Variants in KLF12 observed in about 807,000 individuals in gnomAD.
KLF12 encodes the protein KLF transcription factor 12.
KLF12 carries 9 observed loss-of-function variants against 37.8 expected under a neutral mutation model. That is an observed-to-expected ratio of 0.24 (90% CI 0.14 to 0.42). The LOEUF is 0.42. Among genes scored for constraint, KLF12 ranks in the 10% least tolerant of loss-of-function variants. The pLI is 1.00. For synonymous variants in KLF12, 208 were observed against 202.1 expected (o/e 1.03, Z -0.25); for missense variants, 411 against 516.0 (o/e 0.80, Z 1.97).
intron 3 of KLF12, among the ~76,000 whole-genome samples, chr13:73,854,261 T>A (rs1023988972): frequency 3.3e-5 from 5 of 152,226 alleles, no homozygotes; most frequent in Non-Finnish European, 7.3e-5. Flanking sequence ...CTCACTCCAG[T>A]GCCTGAGGCA....
At chr13:73,887,296 C>T (rs542432810) in intron 3 of KLF12, among the ~76,000 whole-genome samples, 2 of 152,238 alleles carry the variant, frequency 1.3e-5, no homozygotes, top group African/African-American at 4.8e-5. Context: ...ATTTGTCCTG[C>T]CCAAATCTCA....
chr13:73,849,375 TAAAAAAAA>T (rs574332239), intron 3 of KLF12, among the ~76,000 whole-genome samples: 28 of 98,966 alleles, frequency 2.8e-4, no homozygotes, highest in African/African-American at 7.2e-4. Flanking sequence ...GGAGACTCCA[TAAAAAAAA>T]AAAAAAAAAA....
intron 1 of KLF12, among the ~76,000 whole-genome samples, chr13:74,060,658 G>C (rs1368996846): frequency 2.0e-5 from 3 of 152,012 alleles, no homozygotes; most frequent in Non-Finnish European, 4.4e-5. Context: ...TCAAGTCTAG[G>C]AGCCTTTCCA....
intron 3 of KLF12, among the ~76,000 whole-genome samples, chr13:73,909,212 T>C (rs927990437): frequency 2.0e-5 from 3 of 152,294 alleles, no homozygotes; most frequent in Non-Finnish European, 4.4e-5. Flanking sequence ...AAAGTAAAAT[T>C]TGCAAAGTCT....
chr13:73,963,284 TACACACAC>T (rs10543490), intron 2 of KLF12, among the ~76,000 whole-genome samples: 45,890 of 145,104 alleles, frequency 0.32, 7,200 homozygotes, highest in Middle Eastern at 0.44. Context: ...GAGTCATTTA[TACACACAC>T]ACACACACAC....
chr13:73,852,634 G>A (rs142806656), intron 3 of KLF12, among the ~76,000 whole-genome samples: 1,611 of 151,848 alleles, frequency 0.011, 27 homozygotes, highest in African/African-American at 0.037. Context: ...AAAATTAGCC[G>A]GGCGTGGTGG....
At chr13:73,919,528 A>T (rs1051274994) in intron 3 of KLF12, among the ~76,000 whole-genome samples, 2 of 152,252 alleles carry the variant, frequency 1.3e-5, no homozygotes, top group South Asian at 2.1e-4. Flanking sequence ...ATTTTTTTTA[A>T]AAAAAGGTCT....
chr13:73,712,314 G>T (rs1413566317), intron 7 of KLF12, among the ~76,000 whole-genome samples: 3 of 140,064 alleles, frequency 2.1e-5, no homozygotes, highest in African/African-American at 8.6e-5. Flanking sequence ...CTCCAGCCTG[G>T]GTAACAAGAG....
the KLF12 span, among the ~76,000 whole-genome samples, chr13:74,276,566 T>C: frequency 6.6e-6 from 1 of 152,248 alleles, no homozygotes; most frequent in Non-Finnish European, 1.5e-5. Context: ...TCTTATTTTA[T>C]AAGTTTATTC....
chr13:73,878,886 G>A (rs986840122), intron 3 of KLF12, among the ~76,000 whole-genome samples: 3 of 152,164 alleles, frequency 2.0e-5, no homozygotes, highest in African/African-American at 7.2e-5. Context: ...CATGGGAGGA[G>A]CTAAGATCAG....
At chr13:74,246,624 CT>C in the KLF12 span, among the ~76,000 whole-genome samples, 2 of 152,212 alleles carry the variant, frequency 1.3e-5, no homozygotes, top group Non-Finnish European at 2.9e-5. Context: ...ACTCTCTCTC[CT>C]CCGACATGAA....
the KLF12 span, among the ~76,000 whole-genome samples, chr13:74,300,961 C>A: frequency 6.6e-6 from 1 of 152,052 alleles, no homozygotes; most frequent in Non-Finnish European, 1.5e-5. Flanking sequence ...CTGGGACATC[C>A]TTTGGCTTAG....
the KLF12 span, among the ~76,000 whole-genome samples, chr13:74,200,197 G>T: frequency 3.7e-3 from 559 of 151,970 alleles, 4 homozygotes; most frequent in African/African-American, 0.013. Context: ...CTCAGGGGGG[G>T]GGTTTCCTGA....
At chr13:74,274,601 C>G in the KLF12 span, among the ~76,000 whole-genome samples, 1 of 151,552 alleles carries the variant, frequency 6.6e-6, no homozygotes, top group African/African-American at 2.4e-5. Flanking sequence ...AAAGAAGTCT[C>G]TTTCTTCTCA....
rs551601773 is a variant in KLF12 at position 73,748,666 on chromosome 13, A to C, written c.869+16272T>G. On this transcript the variant is annotated intron_variant, in intron 6 of 7. Coordinates refer to ENST00000377669, the MANE Select transcript of KLF12 (RefSeq NM_007249.5). ...AATAGTCCTGTGGTTTTAGCCACAC[A>C]ATCTATGGTATTTTTTTAATGGCAG... Among the ~76,000 whole-genome samples the C allele has an allele frequency of 2.6e-5, 4 of 152,272 alleles. No homozygotes were observed. In the South Asian group the frequency reaches 8.3e-4, roughly 32 times the overall value.
At chr13:73,822,735 G>A (rs189279161) in intron 4 of KLF12, among the ~76,000 whole-genome samples, 4 of 152,102 alleles carry the variant, frequency 2.6e-5, no homozygotes, top group Non-Finnish European at 5.9e-5. Flanking sequence ...GTACGTCTTA[G>A]AGCATAAAAG....
At chr13:73,723,696 A>T (rs943056515) in intron 6 of KLF12, among the ~76,000 whole-genome samples, 1 of 152,180 alleles carries the variant, frequency 6.6e-6, no homozygotes, top group Non-Finnish European at 1.5e-5. Context: ...CTAAATTTTA[A>T]AAATAAGTTA....
intron 1 of KLF12, among the ~76,000 whole-genome samples, chr13:74,086,443 T>C (rs1465296466): frequency 1.3e-5 from 2 of 152,062 alleles, no homozygotes; most frequent in East Asian, 1.9e-4. Flanking sequence ...ACAAAGGACA[T>C]GAACTCATCA....
intron 1 of KLF12, among the ~76,000 whole-genome samples, chr13:74,015,510 G>T (rs891144826): frequency 6.6e-6 from 1 of 152,052 alleles, no homozygotes. Flanking sequence ...ACCCTAGTGC[G>T]CCCATGAGTT....
Sources: gnomAD v4.1 joint callset for allele counts (sites outside exome capture counted in the v4.1 genomes callset) on GRCh38, gnomAD v4.1.1 for gene constraint, MANE v1.5 for transcripts, NCBI Gene and HGNC (gene_info 2026-07-23, HGNC 2026-07-21) for gene names.